Variants in DNAH14 observed in about 807,000 individuals in gnomAD.
DNAH14 encodes the protein dynein axonemal heavy chain 14.
Under a neutral mutation model 520.9 loss-of-function variants are expected in DNAH14, and 478 were observed. The observed-to-expected ratio is 0.92, with a 90% CI of 0.85 to 0.99. DNAH14 has a LOEUF of 0.99. DNAH14 is among the 50% of genes least tolerant of loss of function. The probability of loss-of-function intolerance (pLI) is 0.00; values close to 1 mark genes in which losing one functional copy is unlikely to be tolerated. For missense variants in DNAH14, 4,831 were observed against 5,234.5 expected, an observed-to-expected ratio of 0.92 and a Z score of 2.38; for synonymous variants, 1,581 against 1,757.2, an observed-to-expected ratio of 0.90 and a Z score of 2.51.
At chr1:225,183,062 C>A (rs1455142051) in intron 36 of DNAH14, among the ~76,000 whole-genome samples, 1 of 152,210 alleles carries the variant, frequency 6.6e-6, no homozygotes, top group Non-Finnish European at 1.5e-5. Flanking sequence ...TGAAGAGACT[C>A]CTTCCACTTA....
intron 8 of DNAH14, among the ~76,000 whole-genome samples, chr1:224,998,228 G>C (rs2501131): frequency 1.1e-4 from 17 of 151,892 alleles, no homozygotes; most frequent in African/African-American, 3.9e-4. Flanking sequence ...TAAAGAATCA[G>C]CTCTTTGTTT....
chr1:225,087,149 A>G (rs56150737), intron 21 of DNAH14, among the ~76,000 whole-genome samples: 13,248 of 152,204 alleles, frequency 0.087, 868 homozygotes, highest in East Asian at 0.3. Context: ...AATAAAAGAA[A>G]TGTATTTGGC....
chr1:225,007,749 T>G (rs2147860313), intron 10 of DNAH14, among the ~76,000 whole-genome samples: 1 of 151,944 alleles, frequency 6.6e-6, no homozygotes, highest in South Asian at 2.1e-4. Context: ...TATATATTTA[T>G]ATATATGTGA....
intron 79 of DNAH14, 116 bp downstream of exon 79, chr1:225,377,552 G>A: frequency 9.8e-7 from 1 of 1,015,354 alleles, no homozygotes; most frequent in Non-Finnish European, 1.4e-6. Flanking sequence ...TTGAGCTCAG[G>A]AGTTCGAGAC....
chr1:225,170,833 A>G (rs1246469610), intron 36 of DNAH14, among the ~76,000 whole-genome samples: 1 of 152,188 alleles, frequency 6.6e-6, no homozygotes, highest in Non-Finnish European at 1.5e-5. Flanking sequence ...TCAGCACCAC[A>G]CCGCACTTAT....
At chr1:225,079,857 TA>T (rs2072904883) in intron 18 of DNAH14, among the ~76,000 whole-genome samples, 7 of 151,848 alleles carry the variant, frequency 4.6e-5, no homozygotes, top group Non-Finnish European at 4.4e-5. Flanking sequence ...GTATTTTTAG[TA>T]GAGACGAGGT....
intron 9 of DNAH14, among the ~76,000 whole-genome samples, chr1:225,003,160 T>C (rs1358980999): frequency 2.0e-5 from 3 of 152,034 alleles, no homozygotes; most frequent in East Asian, 3.8e-4. Context: ...AGACCCTTTA[T>C]TTTCAAATGT....
chr1:224,962,905 A>G (rs904432994), intron 4 of DNAH14, among the ~76,000 whole-genome samples: 2 of 152,258 alleles, frequency 1.3e-5, no homozygotes, highest in East Asian at 3.9e-4. Context: ...AAAAAATGGA[A>G]ATGCTAATTT....
Position 225,079,205 on chromosome 1 carries a change from A to G in DNAH14, c.2425-2A>G. ...CAATTATAATTGACATGTTGATTTC[A>G]GGTTGTGGAATCATCATTGCAGCAG... On this transcript the variant is annotated splice_acceptor_variant, in intron 17 of 85. Transcript: ENST00000682510. LOFTEE classifies it high-confidence loss of function. 6.5e-7 allele frequency: 1 copy of G among 1,532,730 alleles called. No homozygotes were observed. Among genetic ancestry groups the G allele is most frequent in the East Asian group, 2.5e-5 (1 of 40,810 alleles). The allele number at this position is 1,532,730 out of a possible 1,614,324, so 94.9% of individuals were successfully genotyped here. A position where few individuals can be genotyped will look rare whatever the true frequency, so the allele number is the denominator to read the frequency against.
intron 41 of DNAH14, among the ~76,000 whole-genome samples, chr1:225,217,703 G>C (rs562960894): frequency 6.6e-6 from 1 of 152,216 alleles, no homozygotes; most frequent in African/African-American, 2.4e-5. Context: ...CTCCGAGCCA[G>C]GCGCTGGATA....
chr1:224,976,847 A>G (rs368664046), intron 8 of DNAH14, among the ~76,000 whole-genome samples: 7 of 151,998 alleles, frequency 4.6e-5, no homozygotes, highest in South Asian at 2.1e-4. Context: ...AACAGGTGCT[A>G]GAGAGGATGT....
chr1:225,318,361 T>C (rs986562528), intron 60 of DNAH14, among the ~76,000 whole-genome samples: 1 of 152,230 alleles, frequency 6.6e-6, no homozygotes, highest in Non-Finnish European at 1.5e-5. Flanking sequence ...TTGCTTCCCA[T>C]GTATACCTTC....
chr1:225,035,249 G>A (rs2449305), intron 11 of DNAH14, among the ~76,000 whole-genome samples: 129,445 of 151,960 alleles, frequency 0.85, 58,691 homozygotes, highest in Non-Finnish European at 1. Flanking sequence ...CTGCAGTATC[G>A]GTTGTAATGT....
intron 36 of DNAH14, among the ~76,000 whole-genome samples, chr1:225,170,383 T>G (rs1194948396): frequency 1.3e-5 from 2 of 152,150 alleles, no homozygotes; most frequent in Non-Finnish European, 2.9e-5. Context: ...CCATCTCACG[T>G]GCAGAGACAC....
chr1:225,057,775 T>C (rs1348092155), intron 17 of DNAH14, among the ~76,000 whole-genome samples: 2 of 152,236 alleles, frequency 1.3e-5, no homozygotes, highest in Non-Finnish European at 2.9e-5. Flanking sequence ...TTTCTACATC[T>C]ATTGAGATAG....
At chr1:225,115,467 A>G (rs758785198) in intron 23 of DNAH14, among the ~76,000 whole-genome samples, 6 of 152,218 alleles carry the variant, frequency 3.9e-5, no homozygotes, top group Non-Finnish European at 7.3e-5. Flanking sequence ...TGGTGTACAT[A>G]TTCACTTTAC....
At chr1:225,170,995 G>A (rs919650965) in intron 36 of DNAH14, among the ~76,000 whole-genome samples, 1 of 152,046 alleles carries the variant, frequency 6.6e-6, no homozygotes, top group Non-Finnish European at 1.5e-5. Flanking sequence ...ACATGGAAAC[G>A]GAACAACCTG....
chr1:225,190,991 G>A (rs1471299471), intron 37 of DNAH14, among the ~76,000 whole-genome samples: 1 of 151,760 alleles, frequency 6.6e-6, no homozygotes, highest in Non-Finnish European at 1.5e-5. Flanking sequence ...GCTTTATGTT[G>A]TTAGTGTCAC....
chr1:225,327,920 AAAT>A (rs1421775602), intron 64 of DNAH14, among the ~76,000 whole-genome samples: 1 of 152,150 alleles, frequency 6.6e-6, no homozygotes, highest in Non-Finnish European at 1.5e-5. Flanking sequence ...GAAAAAGAAG[AAAT>A]AATTTAAAAG....
Sources: gnomAD v4.1 joint callset for allele counts (sites outside exome capture counted in the v4.1 genomes callset) on GRCh38, gnomAD v4.1.1 for gene constraint, MANE v1.5 for transcripts, NCBI Gene and HGNC (gene_info 2026-07-23, HGNC 2026-07-21) for gene names.